EPHA3: variants seen among roughly 807,000 people sequenced by gnomAD.
EPHA3 encodes EPH receptor A3.
Under a neutral mutation model 107.1 loss-of-function variants are expected in EPHA3, and 42 were observed. The observed-to-expected ratio is 0.39, with a 90% CI of 0.31 to 0.51. EPHA3 has a LOEUF of 0.51. Among genes scored for constraint, EPHA3 ranks in the 20% least tolerant of loss-of-function variants. The probability of loss-of-function intolerance (pLI) is 0.78; values close to 1 mark genes in which losing one functional copy is unlikely to be tolerated. For missense variants in EPHA3, 1,183 were observed against 1,211.2 expected, an observed-to-expected ratio of 0.98 and a Z score of 0.35; for synonymous variants, 461 against 424.8, an observed-to-expected ratio of 1.09 and a Z score of -1.05.
chr3:89,275,366 C>T (rs1705781471), intron 3 of EPHA3, among the ~76,000 whole-genome samples: 1 of 152,000 alleles, frequency 6.6e-6, no homozygotes, highest in Non-Finnish European at 1.5e-5. Context: ...ATCTTCATGA[C>T]TCAGGAAACT....
intron 3 of EPHA3, among the ~76,000 whole-genome samples, chr3:89,257,278 C>T (rs147697244): frequency 2.3e-4 from 35 of 152,236 alleles, no homozygotes; most frequent in African/African-American, 7.2e-4. Flanking sequence ...ACCTTGATAA[C>T]GTTAAAAAAT....
chr3:89,278,377 T>A (rs1424451129), intron 3 of EPHA3, among the ~76,000 whole-genome samples: 1 of 152,108 alleles, frequency 6.6e-6, no homozygotes, highest in South Asian at 2.1e-4. Flanking sequence ...GAAATCAACC[T>A]GTCAAGAAGA....
intron 3 of EPHA3, among the ~76,000 whole-genome samples, chr3:89,312,920 A>C (rs1706800180): frequency 1.3e-5 from 2 of 151,840 alleles, no homozygotes; most frequent in South Asian, 4.1e-4. Flanking sequence ...TAATCTTGTT[A>C]TTTTTTATGG....
At chr3:89,183,395 T>C (rs910062435) in intron 2 of EPHA3, among the ~76,000 whole-genome samples, 18 of 152,074 alleles carry the variant, frequency 1.2e-4, no homozygotes, top group Non-Finnish European at 1.8e-4. Flanking sequence ...TTTGGTCTTT[T>C]CTCATGGCTG....
At chr3:89,126,886 A>G (rs1172435121) in intron 1 of EPHA3, among the ~76,000 whole-genome samples, 8 of 151,776 alleles carry the variant, frequency 5.3e-5, no homozygotes, top group Non-Finnish European at 1.0e-4. Flanking sequence ...TGCTAGCATT[A>G]ATGTTGTTTT....
chr3:89,282,002 T>C (rs980745835), intron 3 of EPHA3, among the ~76,000 whole-genome samples: 1 of 152,240 alleles, frequency 6.6e-6, no homozygotes, highest in Non-Finnish European at 1.5e-5. Flanking sequence ...TTATCAAAGA[T>C]GCAGATTATG....
intron 2 of EPHA3, among the ~76,000 whole-genome samples, chr3:89,170,040 G>A (rs1055077035): frequency 1.3e-4 from 20 of 151,804 alleles, no homozygotes; most frequent in African/African-American, 4.4e-4. Context: ...CGAGGTCAGG[G>A]GATCGAGACC....
At chr3:89,274,920 T>C (rs1399048440) in intron 3 of EPHA3, among the ~76,000 whole-genome samples, 1 of 152,040 alleles carries the variant, frequency 6.6e-6, no homozygotes, top group African/African-American at 2.4e-5. Context: ...AAATTTCATA[T>C]TGTCATTTCA....
At chr3:89,140,313 A>G (rs764212254) in intron 2 of EPHA3, among the ~76,000 whole-genome samples, 1 of 151,888 alleles carries the variant, frequency 6.6e-6, no homozygotes, top group African/African-American at 2.4e-5. Context: ...AAAAATTAGT[A>G]TATCATTTTC....
chr3:89,249,697 G>A (rs1448598671), intron 3 of EPHA3, among the ~76,000 whole-genome samples: 1 of 152,160 alleles, frequency 6.6e-6, no homozygotes, highest in East Asian at 1.9e-4. Flanking sequence ...CTGAGTACAA[G>A]CAATCTGCCT....
chr3:89,182,322 G>T (rs1705458979), intron 2 of EPHA3, among the ~76,000 whole-genome samples: 1 of 151,842 alleles, frequency 6.6e-6, no homozygotes, highest in Non-Finnish European at 1.5e-5. Flanking sequence ...ATTGCTAATG[G>T]TATAGTCTGT....
intron 12 of EPHA3, among the ~76,000 whole-genome samples, chr3:89,430,888 G>T (rs936801246): frequency 4.6e-4 from 70 of 152,118 alleles, no homozygotes; most frequent in African/African-American, 1.6e-3. Flanking sequence ...GTCACATAAG[G>T]ACCAGGAAAG....
At chr3:89,180,737 A>G (rs1350794638) in intron 2 of EPHA3, among the ~76,000 whole-genome samples, 2 of 151,854 alleles carry the variant, frequency 1.3e-5, no homozygotes, top group Non-Finnish European at 2.9e-5. Flanking sequence ...GTTATTTTTT[A>G]AGGAAAAAAA....
At chr3:89,257,108 G>A (rs147051397) in intron 3 of EPHA3, among the ~76,000 whole-genome samples, 3 of 152,176 alleles carry the variant, frequency 2.0e-5, no homozygotes, top group South Asian at 2.1e-4. Flanking sequence ...GGCTGGAAAA[G>A]CAAATAATTC....
At chr3:89,207,285 T>C (rs1448694097) in intron 2 of EPHA3, among the ~76,000 whole-genome samples, 6 of 152,250 alleles carry the variant, frequency 3.9e-5, no homozygotes. Flanking sequence ...GAATTAAAAT[T>C]TCTGTGTCTT....
In EPHA3 at chr3:89,425,696, T is replaced by A. The variant is rs1488088938; in HGVS notation, c.2075-3410T>A. ...TTGTTAGAAAATTTCAAAGAAAATA[T>A]CTTTATGACTGACTATATATGTATA... is the stretch of plus-strand genomic sequence containing the variant. On this transcript the variant is annotated intron_variant, in intron 11 of 16. Transcript: ENST00000336596. Among the ~76,000 whole-genome samples the A allele has an allele frequency of 2.6e-5, 4 of 151,576 alleles. No individual in the cohort carries two copies. In the Admixed American group the frequency reaches 2.6e-4, roughly 10 times the overall value.
chr3:89,128,277 A>G (rs1044694390), intron 2 of EPHA3, among the ~76,000 whole-genome samples: 1 of 152,118 alleles, frequency 6.6e-6, no homozygotes. Flanking sequence ...TCATCTTTGT[A>G]TCTGCTTCTC....
chr3:89,266,327 C>A (rs1705537318), intron 3 of EPHA3, among the ~76,000 whole-genome samples: 1 of 152,146 alleles, frequency 6.6e-6, no homozygotes, highest in Non-Finnish European at 1.5e-5. Context: ...CTCTTAATTA[C>A]TACACCTTAC....
At chr3:89,303,782 C>T (rs1190101601) in intron 3 of EPHA3, among the ~76,000 whole-genome samples, 1 of 152,108 alleles carries the variant, frequency 6.6e-6, no homozygotes, top group Non-Finnish European at 1.5e-5. Flanking sequence ...GGAATTCTCA[C>T]ACCAGAAAGA....
Sources: allele counts gnomAD v4.1 joint callset (sites outside exome capture counted in the v4.1 genomes callset), GRCh38; gene constraint gnomAD v4.1.1; transcripts MANE v1.5; gene names NCBI Gene and HGNC (gene_info 2026-07-23, HGNC 2026-07-21).